DNMBP: variants seen among roughly 807,000 people sequenced by gnomAD.
DNMBP encodes dynamin-binding protein.
DNMBP carries 87 observed loss-of-function variants against 150.0 expected under a neutral mutation model. The observed-to-expected ratio is 0.58, with a 90% CI of 0.49 to 0.69. DNMBP has a LOEUF of 0.69. DNMBP is among the 30% of genes least tolerant of loss of function. The pLI, the probability that DNMBP is intolerant of heterozygous loss-of-function variation, is 0.00. For missense variants in DNMBP, 1,774 were observed against 1,949.0 expected (o/e 0.91, Z 1.69); for synonymous variants, 711 against 750.4 (o/e 0.95, Z 0.86).
chr10:99,943,318 T>C (rs934382067), intron 4 of DNMBP, among the ~76,000 whole-genome samples: 7 of 151,780 alleles, frequency 4.6e-5, no homozygotes, highest in African/African-American at 1.7e-4. Context: ...AAACACAGAA[T>C]GATTTGGCTA....
chr10:99,957,264 C>T (rs1296527859), intron 3 of DNMBP, 59 bp from the exon 4 acceptor site: 31 of 1,442,632 alleles, frequency 2.1e-5, no homozygotes, highest in Middle Eastern at 4.8e-4. Context: ...AACATTATCA[C>T]GACTAATAGT....
chr10:100,005,865 G>T (rs1198959601), intron 1 of DNMBP, among the ~76,000 whole-genome samples: 1 of 150,882 alleles, frequency 6.6e-6, no homozygotes, highest in African/African-American at 2.5e-5. Context: ...CACTTTGCAA[G>T]CTCCTACATA....
chr10:99,968,903 G>A (rs1257565202), intron 3 of DNMBP, among the ~76,000 whole-genome samples: 1 of 152,050 alleles, frequency 6.6e-6, no homozygotes, highest in African/African-American at 2.4e-5. Flanking sequence ...TCTGTGCTGA[G>A]GATCAAATGA....
At chr10:99,991,481 T>C (rs1228923053) in intron 1 of DNMBP, among the ~76,000 whole-genome samples, 1 of 152,106 alleles carries the variant, frequency 6.6e-6, no homozygotes, top group African/African-American at 2.4e-5. Flanking sequence ...ATATATAGAT[T>C]TGCCTATTTG....
intron 4 of DNMBP, among the ~76,000 whole-genome samples, chr10:99,916,287 A>T (rs2039964127): frequency 6.6e-6 from 1 of 152,122 alleles, no homozygotes; most frequent in African/African-American, 2.4e-5. Context: ...ACATGGTGAA[A>T]CTCTGTCTCT....
At position 99,971,983 on chromosome 10, in the gene DNMBP, T is replaced by C; in HGVS notation, c.142A>G (p.Thr48Ala). ...FWLLGKKEDVTGQFPSSFVEI... is the reference protein window; with the variant it reads ...FWLLGKKEDVAGQFPSSFVEI... ...CCACTATGAGTCTCTTACTTACCTGTAACATCCTCCTTCTTTCCTAGAAGC... is the reference window on the plus strand; with the variant it reads ...CCACTATGAGTCTCTTACTTACCTGCAACATCCTCCTTCTTTCCTAGAAGC... The change falls in exon 2 of 17, where the codon ACA (threonine) becomes GCA (alanine). Residue 48 changes from threonine to alanine, a missense_variant. By Grantham distance (58) the Thr-to-Ala change is moderately conservative. This residue lies in a region of DNMBP where 344 missense variants were observed against 456.6 expected (regional missense o/e 0.75). Coordinates refer to ENST00000324109, the MANE Select transcript of DNMBP (RefSeq NM_015221.4). 6.2e-7 allele frequency: 1 copy of C among 1,613,200 alleles called. No individual in the cohort carries two copies. Among genetic ancestry groups the C allele is most frequent in the Non-Finnish European group, 8.5e-7 (1 of 1,179,634 alleles).
intron 4 of DNMBP, chr10:99,929,632 C>G (rs141253564): frequency 1.5e-6 from 1 of 687,038 alleles, no homozygotes; most frequent in Admixed American, 2.2e-5. Context: ...CTGTTTTGCA[C>G]GAACTCTGAG....
At position 99,896,444 on chromosome 10, in the gene DNMBP, C is replaced by CA. The variant is rs766033803; in HGVS notation, c.2921-48dup. ...CACTTTCCTCAGCATGGGCATACTA[C>CA]AAAATGAGCCATAAAATGAGATGAA... On this transcript the variant is annotated intron_variant, in intron 9 of 16. Coordinates refer to ENST00000324109, the MANE Select transcript of DNMBP (RefSeq NM_015221.4). 5.6e-6 allele frequency: 9 copies of CA among 1,602,836 alleles called. 1 individual carries two copies. Among genetic ancestry groups the CA allele is most frequent in the African/African-American group, 2.7e-5 (2 of 74,642 alleles).
chr10:99,895,883 C>CT (rs1294185554), intron 10 of DNMBP, among the ~76,000 whole-genome samples: 2 of 152,230 alleles, frequency 1.3e-5, no homozygotes, highest in African/African-American at 4.8e-5. Flanking sequence ...TTCAGGTCAA[C>CT]TTTCAGCATC....
At chr10:99,982,813 G>A (rs186045614) in intron 1 of DNMBP, among the ~76,000 whole-genome samples, 95 of 152,192 alleles carry the variant, frequency 6.2e-4, no homozygotes, top group African/African-American at 2.2e-3. Context: ...TTAGCTGGAC[G>A]TGGTGGTGAA....
chr10:99,994,463 C>A (rs886943855), intron 1 of DNMBP, among the ~76,000 whole-genome samples: 1 of 152,056 alleles, frequency 6.6e-6, no homozygotes, highest in Non-Finnish European at 1.5e-5. Context: ...GATGAGACAG[C>A]AGGCTCTAGG....
intron 1 of DNMBP, among the ~76,000 whole-genome samples, chr10:99,989,000 C>A: frequency 6.6e-6 from 1 of 152,098 alleles, no homozygotes; most frequent in Admixed American, 6.6e-5. Context: ...CCATTCACCT[C>A]TATATTCAAA....
chr10:99,955,177 T>C, intron 4 of DNMBP, 37 bp downstream of exon 4: 1 of 1,565,626 alleles, frequency 6.4e-7, no homozygotes. Context: ...CTTGTGAGTG[T>C]CAAGAAACAA....
At chr10:99,991,219 C>T (rs1275324175) in intron 1 of DNMBP, among the ~76,000 whole-genome samples, 1 of 151,980 alleles carries the variant, frequency 6.6e-6, no homozygotes, top group African/African-American at 2.4e-5. Context: ...GCTGGGACTA[C>T]AGGCACGTGC....
intron 4 of DNMBP, among the ~76,000 whole-genome samples, chr10:99,923,799 T>C (rs575872959): frequency 6.6e-6 from 1 of 152,274 alleles, no homozygotes; most frequent in Non-Finnish European, 1.5e-5. Context: ...CTCCATTATT[T>C]CTTTAAGTTT....
chr10:99,926,561 T>C (rs2040080534), intron 4 of DNMBP, among the ~76,000 whole-genome samples: 1 of 152,172 alleles, frequency 6.6e-6, no homozygotes, highest in African/African-American at 2.4e-5. Context: ...CCTAGTCTTT[T>C]AGGACGCCGG....
At chr10:99,889,982 TCA>T (rs1302823125) in intron 11 of DNMBP, among the ~76,000 whole-genome samples, 1 of 152,230 alleles carries the variant, frequency 6.6e-6, no homozygotes, top group Non-Finnish European at 1.5e-5. Context: ...CTACTGATCA[TCA>T]CAACCTGGTT....
intron 6 of DNMBP, among the ~76,000 whole-genome samples, chr10:99,907,405 T>G (rs2039840151): frequency 6.6e-6 from 1 of 151,938 alleles, no homozygotes; most frequent in Admixed American, 6.6e-5. Context: ...TTTTGTTTTT[T>G]TTTTTCTTGA....
At chr10:99,905,173 G>A (rs1166745578) in intron 6 of DNMBP, among the ~76,000 whole-genome samples, 1 of 152,196 alleles carries the variant, frequency 6.6e-6, no homozygotes, top group Non-Finnish European at 1.5e-5. Context: ...CTGGGTCACT[G>A]TGACTTCCTT....
Sources: allele counts gnomAD v4.1 joint callset (sites outside exome capture counted in the v4.1 genomes callset), GRCh38; gene constraint gnomAD v4.1.1; regional missense constraint gnomAD v4.1.1; transcripts MANE v1.5; gene names NCBI Gene and HGNC (gene_info 2026-07-23, HGNC 2026-07-21).